IL20RB: variants seen among roughly 807,000 people sequenced by gnomAD.
IL20RB encodes the protein interleukin-20 receptor subunit beta.
IL20RB carries 21 observed loss-of-function variants against 33.3 expected under a neutral mutation model. The ratio of observed to expected loss-of-function variants is 0.63; its 90% confidence interval spans 0.45 to 0.91. IL20RB has a LOEUF of 0.91. Among genes scored for constraint, IL20RB ranks in the 40% least tolerant of loss-of-function variants. The probability of loss-of-function intolerance (pLI) is 0.00; values close to 1 mark genes in which losing one functional copy is unlikely to be tolerated. For synonymous variants in IL20RB, 147 were observed against 146.8 expected, an observed-to-expected ratio of 1.00 and a Z score of -0.01; for missense variants, 345 against 384.8, an observed-to-expected ratio of 0.90 and a Z score of 0.86.
chr3:136,985,787 C>G (rs1379101848), intron 3 of IL20RB, among the ~76,000 whole-genome samples: 1 of 152,188 alleles, frequency 6.6e-6, no homozygotes, highest in Non-Finnish European at 1.5e-5. Context: ...ATCTTATTCA[C>G]TGGGAGTTTA....
chr3:137,001,523 C>A (rs912214529), intron 6 of IL20RB, among the ~76,000 whole-genome samples: 2 of 152,208 alleles, frequency 1.3e-5, no homozygotes, highest in Non-Finnish European at 2.9e-5. Context: ...GATACTACCC[C>A]AAACTATTAA....
chr3:136,990,460 C>G (rs1942010787), intron 4 of IL20RB, among the ~76,000 whole-genome samples: 1 of 152,130 alleles, frequency 6.6e-6, no homozygotes, highest in African/African-American at 2.4e-5. Context: ...AGGCTGTGAT[C>G]CCTCATCAAT....
At chr3:136,983,861 G>C (rs1163524980) in intron 3 of IL20RB, among the ~76,000 whole-genome samples, 1 of 152,144 alleles carries the variant, frequency 6.6e-6, no homozygotes, top group East Asian at 1.9e-4. Flanking sequence ...TTTTGAGGTG[G>C]AGTCTTGCTC....
At chr3:136,993,296 G>T (rs1942067230) in intron 5 of IL20RB, among the ~76,000 whole-genome samples, 2 of 152,188 alleles carry the variant, frequency 1.3e-5, no homozygotes, top group African/African-American at 2.4e-5. Flanking sequence ...TCCAGGCGTT[G>T]TCTGTGTGGT....
chr3:136,980,474 GC>G lies in IL20RB; in HGVS notation c.99del (p.Ile34PhefsTer15). On this transcript the variant is annotated frameshift_variant, in exon 2 of 7. Coordinates refer to ENST00000329582, the MANE Select transcript of IL20RB (RefSeq NM_144717.4). LOFTEE classifies it high-confidence loss of function. ...ATCTGCCTTGATCCTAGATGAAGTG[GC>G]CATTCTGCCTGCCCCTCAGAACCTC... is the stretch of plus-strand genomic sequence containing the variant. ...LIPCLLTDEV[A>X]ILPAPQNLSV... 6.2e-7 allele frequency: 1 copy of G among 1,614,104 alleles called. No homozygotes were observed. The highest frequency in any genetic ancestry group is 8.5e-7 in the Non-Finnish European group (1 of 1,180,020).
At chr3:136,982,087 C>A in intron 2 of IL20RB, 73 bp from the exon 3 acceptor site, 3 of 1,137,352 alleles carry the variant, frequency 2.6e-6, no homozygotes, top group South Asian at 3.7e-5. Flanking sequence ...TGAACGAAGT[C>A]AGTTACTTGC....
intron 3 of IL20RB, among the ~76,000 whole-genome samples, chr3:136,983,757 G>T (rs1328706280): frequency 1.3e-5 from 2 of 152,240 alleles, no homozygotes. Flanking sequence ...TCTTGTGGAT[G>T]TCTGACTGGC....
At chr3:136,972,168 C>T (rs1941502779) in intron 1 of IL20RB, among the ~76,000 whole-genome samples, 1 of 152,074 alleles carries the variant, frequency 6.6e-6, no homozygotes, top group Non-Finnish European at 1.5e-5. Flanking sequence ...GTCCTTAGCC[C>T]ACTTTTGGGG....
intron 5 of IL20RB, among the ~76,000 whole-genome samples, chr3:136,994,577 A>T (rs1942091222): frequency 6.6e-6 from 1 of 152,180 alleles, no homozygotes; most frequent in African/African-American, 2.4e-5. Context: ...TGACTGGGCT[A>T]CCCTTCACAT....
intron 3 of IL20RB, among the ~76,000 whole-genome samples, chr3:136,984,727 C>A (rs140159009): frequency 4.6e-5 from 7 of 152,110 alleles, no homozygotes; most frequent in African/African-American, 1.4e-4. Flanking sequence ...TTGTGGGCTC[C>A]TTTGCCCAGG....
Position 137,010,185 on chromosome 3 carries a change from A to G in IL20RB, c.898A>G (p.Met300Val), listed in dbSNP as rs1269745867. 1.2e-6 allele frequency: 2 copies of G among 1,605,738 alleles called. No homozygotes were observed. The highest frequency in any genetic ancestry group is 1.3e-5 in the African/African-American group (1 of 74,748). The change falls in exon 7 of 7, where the codon ATG (methionine) becomes GTG (valine). Residue 300 changes from methionine to valine, a missense_variant. Physicochemically the swap from Met to Val is conservative, Grantham distance 21 (BLOSUM62 1). Coordinates refer to ENST00000329582, the MANE Select transcript of IL20RB (RefSeq NM_144717.4). ...GGTGGATGCCTGTGCCACGGCTGTG[A>G]TGTCTCCTGAGGAACTCCTCAGGGC... ...EEVDACATAV[M>V]SPEELLRAWI... is the part of the protein sequence containing the mutation.
chr3:137,004,230 G>C (rs1417019462), intron 6 of IL20RB, among the ~76,000 whole-genome samples: 1 of 152,056 alleles, frequency 6.6e-6, no homozygotes, highest in African/African-American at 2.4e-5. Context: ...TCTCTTTTTT[G>C]TGTGTATGTC....
At position 136,989,536 on chromosome 3, in the gene IL20RB, G is replaced by A; in HGVS notation, c.502G>A (p.Ala168Thr). 1 of 1,614,034 alleles carries A rather than the reference G, an allele frequency of 6.2e-7. No homozygotes were observed. The highest frequency in any genetic ancestry group is 8.5e-7 in the Non-Finnish European group (1 of 1,179,946). ...GGGGCCCCAGTTTGAGTTCCTTGTG[G>A]CCTACTGGAGGAGGGAGCCTGGTGC... ...DLGPQFEFLVAYWRREPGAEE... is the reference protein window; with the variant it reads ...DLGPQFEFLVTYWRREPGAEE... The change falls in exon 4 of 7, where the codon GCC (alanine) becomes ACC (threonine). Residue 168 changes from alanine (A) to threonine (T), a missense_variant. Physicochemically the swap from Ala to Thr is moderately conservative, Grantham distance 58 (BLOSUM62 0). Transcript: ENST00000329582.
chr3:137,003,319 A>G (rs986048229), intron 6 of IL20RB, among the ~76,000 whole-genome samples: 5 of 152,218 alleles, frequency 3.3e-5, no homozygotes, highest in Non-Finnish European at 5.9e-5. Flanking sequence ...AGTTATTGGT[A>G]GCTTGATGGG....
intron 1 of IL20RB, among the ~76,000 whole-genome samples, chr3:136,963,854 C>T (rs1219184957): frequency 1.2e-5 from 1 of 85,366 alleles, no homozygotes; most frequent in Admixed American, 1.3e-4. Context: ...TCCCCCGACC[C>T]CACCACAGTC....
At chr3:137,004,312 A>G (rs959544372) in intron 6 of IL20RB, among the ~76,000 whole-genome samples, 10 of 152,078 alleles carry the variant, frequency 6.6e-5, no homozygotes, top group Admixed American at 4.6e-4. Context: ...CTCCTTTTCT[A>G]TTGATTGGAA....
intron 1 of IL20RB, among the ~76,000 whole-genome samples, chr3:136,979,532 T>C (rs530694627): frequency 6.6e-6 from 1 of 152,344 alleles, no homozygotes; most frequent in African/African-American, 2.4e-5. Context: ...GGGTGACATG[T>C]GAGGATGAAG....
At chr3:136,987,928 G>A (rs559341941) in intron 3 of IL20RB, among the ~76,000 whole-genome samples, 80 of 152,172 alleles carry the variant, frequency 5.3e-4, no homozygotes, top group African/African-American at 1.7e-3. Flanking sequence ...CAGCTGGCCC[G>A]CAAGCGCCGC....
intron 6 of IL20RB, among the ~76,000 whole-genome samples, chr3:137,009,650 C>T (rs897691972): frequency 3.9e-5 from 6 of 152,048 alleles, no homozygotes; most frequent in Non-Finnish European, 8.8e-5. Flanking sequence ...ATTGATCCTC[C>T]TGCCTCAGCC....
Sources: gnomAD v4.1 joint callset for allele counts (sites outside exome capture counted in the v4.1 genomes callset) on GRCh38, gnomAD v4.1.1 for gene constraint, MANE v1.5 for transcripts, NCBI Gene and HGNC (gene_info 2026-07-23, HGNC 2026-07-21) for gene names.